The following EPHB4 variants were observed in gnomAD, a reference collection of about 807,000 sequenced individuals.
The protein encoded by EPHB4 is EPH receptor B4.
Under a neutral mutation model 110.6 loss-of-function variants are expected in EPHB4, and 50 were observed. That is an observed-to-expected ratio of 0.45 (90% CI 0.36 to 0.57). The LOEUF (loss-of-function observed/expected upper bound fraction) is 0.57. EPHB4 is among the 20% of genes least tolerant of loss of function. EPHB4 has a pLI of 0.00. For missense variants in EPHB4, 1,128 were observed against 1,382.1 expected (o/e 0.82, Z 2.91); for synonymous variants, 592 against 578.4 (o/e 1.02, Z -0.34).
At chr7:100,812,133 T>C (rs1424833534) in intron 12 of EPHB4, among the ~76,000 whole-genome samples, 2 of 149,706 alleles carry the variant, frequency 1.3e-5, no homozygotes. Flanking sequence ...GATCTTGCCA[T>C]TGCACTCCGG....
chr7:100,824,401 G>A, intron 1 of EPHB4, 128 bp from the exon 2 acceptor site: 1 of 981,922 alleles, frequency 1.0e-6, no homozygotes, highest in Non-Finnish European at 1.6e-6. Flanking sequence ...GGGCCAAGAG[G>A]GGAGCAAGCC....
In EPHB4 at chr7:100,805,197, A is replaced by G; in HGVS notation, c.2803T>C (p.Ser935Pro). 1 of 1,613,268 alleles carries G rather than the reference A, an allele frequency of 6.2e-7. No individual in the cohort carries two copies. Among genetic ancestry groups the G allele is most frequent in the Non-Finnish European group, 8.5e-7 (1 of 1,179,662 alleles). The change falls in exon 16 of 17, where the codon TCC becomes CCC. Residue 935 changes from serine to proline, a missense_variant. Ser to Pro is a moderately conservative substitution (Grantham distance 74). Transcript: ENST00000358173. ...EESFAAAGFGSFELVSQISAE... is the reference protein window; with the variant it reads ...EESFAAAGFGPFELVSQISAE... Reference sequence around the variant, plus strand: ...GAGATCTGGCTGACCAGCTCGAAGGAGCCAAAGCCAGCGGCTGCGAAACTT... The same window carrying G: ...GAGATCTGGCTGACCAGCTCGAAGGGGCCAAAGCCAGCGGCTGCGAAACTT...
chr7:100,818,884 T>C (rs867818588), intron 6 of EPHB4, among the ~76,000 whole-genome samples: 15 of 151,722 alleles, frequency 9.9e-5, no homozygotes, highest in South Asian at 4.2e-4. Flanking sequence ...TTAGTAGACA[T>C]GGGGTTTCAC....
At chr7:100,804,046 A>G (rs1292164209) in intron 16 of EPHB4, among the ~76,000 whole-genome samples, 31 of 152,168 alleles carry the variant, frequency 2.0e-4, no homozygotes, top group Admixed American at 2.0e-3. Context: ...GAGGCTGGGA[A>G]GAATTAGGGA....
chr7:100,822,719 A>G lies in EPHB4; in HGVS notation c.412-52T>C. 4 of 1,468,072 alleles carry G rather than the reference A, an allele frequency of 2.7e-6. No homozygotes were observed. Among genetic ancestry groups the G allele is most frequent in the Non-Finnish European group, 3.6e-6 (4 of 1,106,798 alleles). 90.9% of individuals were successfully genotyped at this position (1,468,072 alleles called of 1,614,324 possible). A position where few individuals can be genotyped will look rare whatever the true frequency, so the allele number is the denominator to read the frequency against. ...TGCTGTCCCCACTCCCTGAGGACCC[A>G]GCGGACTGTTGTGTTCTTCCCAGCT... On this transcript the variant is annotated intron_variant, in intron 3 of 16. Coordinates refer to ENST00000358173, the MANE Select transcript of EPHB4 (RefSeq NM_004444.5). The surrounding 1 kb of genome is among the most constrained non-coding windows in gnomAD (Gnocchi z 4.7).
At chr7:100,808,527 G>A (rs541446464) in intron 12 of EPHB4, among the ~76,000 whole-genome samples, 49 of 152,214 alleles carry the variant, frequency 3.2e-4, no homozygotes, top group African/African-American at 1.1e-3. Context: ...TGAGCAACCC[G>A]TCTACAGGTG....
At chr7:100,825,022 G>C (rs975259144) in intron 1 of EPHB4, 1 of 152,096 alleles carries the variant, frequency 6.6e-6, no homozygotes, top group Admixed American at 6.6e-5. Context: ...GGAGGAAGGG[G>C]GGGGATTAGG....
intron 4 of EPHB4, among the ~76,000 whole-genome samples, chr7:100,821,425 C>T (rs940813113): frequency 6.6e-5 from 10 of 151,256 alleles, no homozygotes; most frequent in Admixed American, 1.3e-4. Flanking sequence ...GTCAGGAGAT[C>T]GAGACCATCC....
In EPHB4 at chr7:100,812,180, A is replaced by C. The variant is rs187372463; in HGVS notation, c.2118+567T>G. Among the ~76,000 whole-genome samples, 104 of 151,762 alleles carry C rather than the reference A, an allele frequency of 6.9e-4. 1 individual carries two copies. In the East Asian group the frequency reaches 0.018, roughly 26 times the overall value. On this transcript the variant is annotated intron_variant, in intron 12 of 16. Coordinates refer to ENST00000358173, the MANE Select transcript of EPHB4 (RefSeq NM_004444.5). ...AGAGTGAAACTCCATCTCAAAAAAA[A>C]AAAATTCAATTAAAACAAAATTAAA...
At chr7:100,803,703 GCGGGGGAGGGAGAACAGAT>G in intron 16 of EPHB4, 113 bp from the exon 17 acceptor site, 1 of 1,313,606 alleles carries the variant, frequency 7.6e-7, no homozygotes, top group Non-Finnish European at 9.9e-7. Flanking sequence ...AGAAAAGCCA[GCGGGGGAGGGAGAACAGAT>G]GTCAACAGTT....
chr7:100,818,157 G>A (rs1394565511), intron 7 of EPHB4, among the ~76,000 whole-genome samples: 7 of 151,876 alleles, frequency 4.6e-5, no homozygotes, highest in African/African-American at 7.3e-5. Flanking sequence ...GTAAGCTACC[G>A]CGCCCGGCCC....
rs749250094 is a variant in EPHB4 at position 100,823,881 on chromosome 7, G to A, written c.174C>T (p.Tyr58=). ...LDEEQHSVRT[Y]EVCDVQRAPG... is the part of the protein sequence containing the mutation. ...GGGCACGCTGCACGTCACACACTTC[G>A]TAGGTGCGCACGCTGTGCTGTTCCT... Residue 58 remains tyrosine (Y), a synonymous_variant, in exon 3 of 17, where the codon TAC becomes TAT. Coordinates refer to ENST00000358173, the MANE Select transcript of EPHB4 (RefSeq NM_004444.5). The A allele has an allele frequency of 2.0e-5, 32 of 1,609,906 alleles. No homozygotes were observed. The highest frequency in any genetic ancestry group is 1.7e-4 in the Middle Eastern group (1 of 6,038).
At chr7:100,814,493 G>A (rs558822561) in intron 8 of EPHB4, among the ~76,000 whole-genome samples, 28 of 152,270 alleles carry the variant, frequency 1.8e-4, no homozygotes, top group Admixed American at 6.5e-4. Flanking sequence ...GGACAGGCTA[G>A]TCTCAAACCA....
rs377653260 is a variant in EPHB4, at chr7:100,806,537, C to T, written c.2367G>A (p.Pro789=). The change falls in exon 14 of 17, where the codon CCG becomes CCA. Residue 789 remains proline (P), a synonymous_variant. Transcript: ENST00000358173. ...TGAACTTCCGGAAGGCAATGGCCTCCGGGGCAGTCCATCGGATGGGAATCT... is the reference window on the plus strand; with the variant it reads ...TGAACTTCCGGAAGGCAATGGCCTCTGGGGCAGTCCATCGGATGGGAATCT... ...GGKIPIRWTA[P]EAIAFRKFTS... The T allele has an allele frequency of 4.6e-5, 75 of 1,613,906 alleles. No homozygotes were observed. Among genetic ancestry groups the T allele is most frequent in the African/African-American group, 1.2e-4 (9 of 74,928 alleles).
rs185110448 is a variant in EPHB4, at chr7:100,816,290, T to C, written c.1588+902A>G. 1.3e-4 allele frequency among the ~76,000 whole-genome samples: 20 copies of C among 151,752 alleles called. No individual in the cohort carries two copies. In the East Asian group the frequency reaches 2.1e-3, roughly 16 times the overall value. On this transcript the variant is annotated intron_variant, in intron 8 of 16. Transcript: ENST00000358173. Reference sequence around the variant, plus strand: ...TATTCCCATTTTGTTGGATGGGGAATGGGGAGCTCAGGGGTCAGGTTGTTG... The same window carrying C: ...TATTCCCATTTTGTTGGATGGGGAACGGGGAGCTCAGGGGTCAGGTTGTTG...
chr7:100,817,082 CAA>C lies in EPHB4; in HGVS notation c.1588+108_1588+109del, dbSNP rs35304729. 14,795 of 776,410 alleles carry C rather than the reference CAA, an allele frequency of 0.019. 56 individuals are homozygous for C. Among genetic ancestry groups the C allele is most frequent in the African/African-American group, 0.086 (2,799 of 32,476 alleles). 48.1% of individuals were successfully genotyped at this position (776,410 alleles called of 1,614,324 possible). On this transcript the variant is annotated intron_variant, in intron 8 of 16. Coordinates refer to ENST00000358173, the MANE Select transcript of EPHB4 (RefSeq NM_004444.5). ...TGAGGGACAGAGCAAGACTCCATCT[CAA>C]AAAAAAAAAAAAAAAAAAAAGATGA...
intron 9 of EPHB4, 82 bp downstream of exon 9, chr7:100,813,837 C>T: frequency 1.9e-6 from 3 of 1,604,784 alleles, no homozygotes; most frequent in Middle Eastern, 1.7e-4. Context: ...TGGGGACAGC[C>T]AGAAAGGCTT....
chr7:100,817,862 T>TTG (rs1813118665), intron 7 of EPHB4, among the ~76,000 whole-genome samples: 2 of 121,682 alleles, frequency 1.6e-5, no homozygotes, highest in African/African-American at 6.8e-5. Context: ...TTTTTGCGTT[T>TTG]TTTTTTTTTT....
chr7:100,812,382 G>A (rs1562968983), intron 12 of EPHB4, among the ~76,000 whole-genome samples: 5 of 151,942 alleles, frequency 3.3e-5, no homozygotes, highest in Non-Finnish European at 5.9e-5. Context: ...TTGAGGTCAG[G>A]AGTTTGATAC....
Sources: gnomAD v4.1 joint callset for allele counts (sites outside exome capture counted in the v4.1 genomes callset) on GRCh38, gnomAD v4.1.1 for gene constraint, Gnocchi (gnomAD v3.1) non-coding constraint, MANE v1.5 for transcripts, NCBI Gene and HGNC (gene_info 2026-07-23, HGNC 2026-07-21) for gene names.